Variants in FER1L5 observed in about 807,000 individuals in gnomAD.
The protein encoded by FER1L5 is fer-1-like protein 5.
Under a neutral mutation model 279.9 loss-of-function variants are expected in FER1L5, and 187 were observed. The ratio of observed to expected loss-of-function variants is 0.67; its 90% confidence interval spans 0.59 to 0.75. FER1L5 has a LOEUF of 0.75. Ranked by LOEUF, FER1L5 falls within the 30% of genes least tolerant of loss-of-function variation. The pLI is 0.00. For missense variants in FER1L5, 2,091 were observed against 2,594.4 expected (o/e 0.81, Z 4.21); for synonymous variants, 921 against 989.7 (o/e 0.93, Z 1.30).
At position 96,697,579 on chromosome 2, in the gene FER1L5, G is replaced by GA; in HGVS notation, c.4134+4dup. On this transcript the variant is annotated splice_donor_region_variant and intron_variant, in intron 38 of 52. Coordinates refer to ENST00000624922, the MANE Select transcript of FER1L5 (RefSeq NM_001293083.2). ...GGTTCAAGTCCAGTAAAGCAGAGGT[G>GA]ATGAAGGCTCAGCCCCATTCAGTGC... 1 of 1,613,774 alleles carries GA rather than the reference G, an allele frequency of 6.2e-7. No homozygotes were observed. The highest frequency in any genetic ancestry group is 8.5e-7 in the Non-Finnish European group (1 of 1,179,784).
chr2:96,658,214 C>T (rs2075676556), intron 9 of FER1L5, among the ~76,000 whole-genome samples: 1 of 151,482 alleles, frequency 6.6e-6, no homozygotes, highest in South Asian at 2.1e-4. Flanking sequence ...GACAGGTTTT[C>T]ACCATGTTGG....
chr2:96,679,584 T>A (rs1026965873), intron 19 of FER1L5, among the ~76,000 whole-genome samples: 6 of 152,236 alleles, frequency 3.9e-5, no homozygotes, highest in Non-Finnish European at 8.8e-5. Context: ...TTGAATTAAT[T>A]TGCATGTGAA....
At chr2:96,660,745 G>T (rs1458384045) in intron 10 of FER1L5, among the ~76,000 whole-genome samples, 2 of 152,036 alleles carry the variant, frequency 1.3e-5, no homozygotes, top group African/African-American at 4.8e-5. Context: ...GTAGAGATGG[G>T]GTTTCACCAT....
intron 7 of FER1L5, chr2:96,652,250 C>T (rs968475778): frequency 7.1e-6 from 4 of 566,284 alleles, no homozygotes; most frequent in Non-Finnish European, 1.2e-5. Context: ...AATCCGTAAA[C>T]AATTACAACA....
intron 1 of FER1L5, among the ~76,000 whole-genome samples, chr2:96,643,731 A>G (rs1195660445): frequency 7.3e-6 from 1 of 136,946 alleles, no homozygotes; most frequent in Non-Finnish European, 1.6e-5. Context: ...TATTATCTCC[A>G]TTTTTTTTTT....
chr2:96,695,778 G>T lies in FER1L5; in HGVS notation c.3931G>T (p.Val1311Leu), dbSNP rs201835531. The change falls in exon 36 of 53, where the codon GTG becomes TTG. Residue 1311 changes from valine to leucine, a missense_variant. Physicochemically the swap from Val to Leu is conservative, Grantham distance 32. Transcript: ENST00000624922. ...GGAGGAGGCCTATGCACTGCCCCTC[G>T]TGGTGAAGGTGGTAGACAACTGGGC... is the stretch of plus-strand genomic sequence containing the variant. ...PTEEAYALPL[V>L]VKVVDNWAFG... is the part of the protein sequence containing the mutation. 1.8e-3 allele frequency: 2,944 copies of T among 1,612,818 alleles called. 8 individuals carry two copies. Among genetic ancestry groups the T allele is most frequent in the Non-Finnish European group, 2.1e-3 (2,532 of 1,179,476 alleles).
Position 96,694,004 on chromosome 2 carries a change from C to T in FER1L5, c.3568C>T (p.Leu1190Phe). Residue 1190 changes from leucine to phenylalanine, a missense_variant, in exon 33 of 53, where the codon CTT becomes TTT. Leu to Phe is a conservative substitution (Grantham distance 22). Coordinates refer to ENST00000624922, the MANE Select transcript of FER1L5 (RefSeq NM_001293083.2). The surrounding 1 kb of genome is among the most constrained non-coding windows in gnomAD (Gnocchi z 4.6). ...CCTGCCCCCCATGAGGTGGCATCCC[C>T]TTGTAAAGGAGTTGGGGAAGGAAGA... ...RILPPMRWHP[L>F]VKELGKEEGE... The T allele has an allele frequency of 6.4e-7, 1 of 1,551,212 alleles. No homozygotes were observed. The highest frequency in any genetic ancestry group is 2.4e-5 in the East Asian group (1 of 40,916).
chr2:96,662,115 TA>T, intron 12 of FER1L5, 99 bp from the exon 13 acceptor site: 1 of 1,262,324 alleles, frequency 7.9e-7, no homozygotes, highest in Non-Finnish European at 1.1e-6. Flanking sequence ...GGCACCCCTC[TA>T]AATTATAGGG....
Position 96,646,393 on chromosome 2 carries a change from C to G in FER1L5, c.86-8C>G, listed in dbSNP as rs1326935967. On this transcript the variant is annotated splice_polypyrimidine_tract_variant and splice_region_variant and intron_variant, in intron 1 of 52. Coordinates refer to ENST00000624922, the MANE Select transcript of FER1L5 (RefSeq NM_001293083.2). ...ACCATCAATGCCAGCCTCTTGGTTT[C>G]TTTGCAGATATCAAGAAAAGAACTC... 2.4e-5 allele frequency: 38 copies of G among 1,551,532 alleles called. No individual in the cohort carries two copies. Among genetic ancestry groups the G allele is most frequent in the Non-Finnish European group, 3.1e-5 (36 of 1,146,844 alleles).
In FER1L5 at chr2:96,702,363, T is replaced by A. The variant is rs1340369614; in HGVS notation, c.5217T>A (p.Asn1739Lys). The change falls in exon 47 of 53, where the codon AAT (asparagine) becomes AAA (lysine). Residue 1739 changes from asparagine to lysine, a missense_variant. Asn to Lys is a moderately conservative substitution (Grantham distance 94, BLOSUM62 0). Coordinates refer to ENST00000624922, the MANE Select transcript of FER1L5 (RefSeq NM_001293083.2). This position sits in a 1 kb window ranked among gnomAD's most constrained non-coding sequence, Gnocchi z 4.0. Reference sequence around the variant, plus strand: ...CCAATGTGGACCTGGTGGATGACAATTTAAGTAGAGAGAAGACGAGCGACA... The same window carrying A: ...CCAATGTGGACCTGGTGGATGACAAATTAAGTAGAGAGAAGACGAGCGACA... Reference protein sequence around the residue: ...KTANVDLVDDNLSREKTSDIY... With the variant: ...KTANVDLVDDKLSREKTSDIY... 1 of 1,613,098 alleles carries A rather than the reference T, an allele frequency of 6.2e-7. No homozygotes were observed. Among genetic ancestry groups the A allele is most frequent in the Non-Finnish European group, 8.5e-7 (1 of 1,179,640 alleles).
At chr2:96,692,281 C>A in intron 31 of FER1L5, 100 bp downstream of exon 31, 2 of 1,278,542 alleles carry the variant, frequency 1.6e-6, no homozygotes, top group Non-Finnish European at 2.2e-6. Flanking sequence ...GCTTGCAGTC[C>A]CAGCCAGGGC....
At chr2:96,659,110 T>G (rs960256964) in intron 9 of FER1L5, among the ~76,000 whole-genome samples, 4 of 152,060 alleles carry the variant, frequency 2.6e-5, no homozygotes, top group African/African-American at 9.6e-5. Flanking sequence ...ATTTTTTGTA[T>G]TTTCAGTAGA....
rs752335738 is a variant in FER1L5, at chr2:96,669,026, ACTCT to A, written c.1268-11_1268-8del. ...CCTCGTCCTGCGCCCGACCCTTCTCACTCTCTCTCCTTCCAGGAGTGTACTCCGG... is the reference window on the plus strand; with the variant it reads ...CCTCGTCCTGCGCCCGACCCTTCTCACTCTCCTTCCAGGAGTGTACTCCGG... On this transcript the variant is annotated splice_polypyrimidine_tract_variant and intron_variant, in intron 16 of 52. Coordinates refer to ENST00000624922, the MANE Select transcript of FER1L5 (RefSeq NM_001293083.2). 1.1e-5 allele frequency: 17 copies of A among 1,549,594 alleles called. No homozygotes were observed. Among genetic ancestry groups the A allele is most frequent in the Non-Finnish European group, 1.4e-5 (16 of 1,146,394 alleles).
intron 13 of FER1L5, among the ~76,000 whole-genome samples, chr2:96,662,767 T>C (rs2075999319): frequency 1.3e-5 from 2 of 152,242 alleles, no homozygotes; most frequent in Admixed American, 6.5e-5. Context: ...AAGCAAGTCG[T>C]TAAATCCAGC....
chr2:96,668,614 C>G, intron 14 of FER1L5, 137 bp from the exon 15 acceptor site: 1 of 993,892 alleles, frequency 1.0e-6, no homozygotes, highest in South Asian at 1.4e-5. Context: ...TCCAGCTTTT[C>G]TATGATGAAG....
In FER1L5 at chr2:96,659,352, TC is replaced by T. The variant is rs1558853459; in HGVS notation, c.748-987del. Among the ~76,000 whole-genome samples, 12 of 73,208 alleles carry T rather than the reference TC, an allele frequency of 1.6e-4. 1 individual carries two copies. The highest frequency in any genetic ancestry group is 2.2e-4 in the Non-Finnish European group (8 of 37,202). 48.0% of individuals were successfully genotyped at this position (73,208 alleles called of 152,430 possible). On this transcript the variant is annotated intron_variant, in intron 9 of 52. Coordinates refer to ENST00000624922, the MANE Select transcript of FER1L5 (RefSeq NM_001293083.2). The stretch of plus-strand genomic sequence containing the variant: ...TTCCTTCCTTCCTTCCTTCCTTCCT[TC>T]CTTCCTTCCTTCTTTCTTTCTTTCT...
intron 9 of FER1L5, among the ~76,000 whole-genome samples, chr2:96,657,065 T>TA (rs2075627191): frequency 6.9e-6 from 1 of 145,822 alleles, no homozygotes; most frequent in South Asian, 2.2e-4. Flanking sequence ...ATTTTTTAAT[T>TA]TATATATATA....
intron 7 of FER1L5, chr2:96,653,371 A>G (rs2075463774): frequency 2.2e-6 from 1 of 451,982 alleles, no homozygotes. Flanking sequence ...GTACCAGTTC[A>G]GCATTCGTAA....
At chr2:96,701,208 G>T (rs564121844) in intron 45 of FER1L5, among the ~76,000 whole-genome samples, 1 of 152,358 alleles carries the variant, frequency 6.6e-6, no homozygotes, top group East Asian at 1.9e-4. Context: ...TACTCAGGAG[G>T]CTTAGGCACG....
Sources: gnomAD v4.1 joint callset for allele counts (sites outside exome capture counted in the v4.1 genomes callset) on GRCh38, gnomAD v4.1.1 for gene constraint, Gnocchi (gnomAD v3.1) non-coding constraint, MANE v1.5 for transcripts, NCBI Gene and HGNC (gene_info 2026-07-23, HGNC 2026-07-21) for gene names.